SSH2: variants seen among roughly 807,000 people sequenced by gnomAD.
SSH2 encodes the protein slingshot protein phosphatase 2, also known as protein phosphatase Slingshot homolog 2.
A neutral mutation model predicts 135.2 loss-of-function variants in SSH2; 37 were observed. That is an observed-to-expected ratio of 0.27 (90% confidence interval 0.21 to 0.36). The LOEUF (loss-of-function observed/expected upper bound fraction) is 0.36. Ranked by LOEUF, SSH2 falls within the 10% of genes least tolerant of loss-of-function variation. The probability of loss-of-function intolerance (pLI) is 1.00; values close to 1 mark genes in which losing one functional copy is unlikely to be tolerated. For synonymous variants in SSH2, 628 were observed against 646.2 expected (o/e 0.97, Z 0.43); for missense variants, 1,408 against 1,765.3 (o/e 0.80, Z 3.63).
intron 2 of SSH2, among the ~76,000 whole-genome samples, chr17:29,840,479 T>C (rs1273139064): frequency 1.3e-5 from 2 of 152,238 alleles, no homozygotes; most frequent in Non-Finnish European, 2.9e-5. Context: ...ATTGATAATA[T>C]AAAGATGTCT....
intron 3 of SSH2, among the ~76,000 whole-genome samples, chr17:29,785,734 C>A (rs997631974): frequency 6.6e-6 from 1 of 151,012 alleles, no homozygotes; most frequent in African/African-American, 2.4e-5. Flanking sequence ...CTCGTGACCT[C>A]GAGATCCACC....
rs938352290 is a variant in SSH2, at chr17:29,648,110, A to G, written c.1427+34T>C. The G allele has an allele frequency of 3.1e-6, 5 of 1,600,000 alleles. No homozygotes were observed. The African/African-American group carries it at 5.4e-5, about 17-fold the overall frequency. ...CTTCATCTTGCTTTAGGGAACTTAAAAGGAGGGAGAATTGGAGAAAGTCAC... is the reference window on the plus strand; with the variant it reads ...CTTCATCTTGCTTTAGGGAACTTAAGAGGAGGGAGAATTGGAGAAAGTCAC... On this transcript the variant is annotated intron_variant, in intron 14 of 15. Transcript: ENST00000540801.
intron 9 of SSH2, among the ~76,000 whole-genome samples, chr17:29,669,684 A>C (rs2037412864): frequency 6.6e-6 from 1 of 152,182 alleles, no homozygotes; most frequent in Admixed American, 6.5e-5. Flanking sequence ...TTCCGTAAAC[A>C]GACAGAAGTT....
chr17:29,842,082 C>A (rs1456194195), intron 2 of SSH2, among the ~76,000 whole-genome samples: 1 of 151,686 alleles, frequency 6.6e-6, no homozygotes, highest in Non-Finnish European at 1.5e-5. Context: ...ATCCTGGAAG[C>A]ATTTAAAAAA....
chr17:29,667,901 A>G (rs978450165), intron 9 of SSH2, among the ~76,000 whole-genome samples: 1 of 152,206 alleles, frequency 6.6e-6, no homozygotes, highest in East Asian at 1.9e-4. Flanking sequence ...ACTCTCTTAA[A>G]AATAAAATCA....
At chr17:29,731,720 T>G (rs997772701) in intron 3 of SSH2, among the ~76,000 whole-genome samples, 1 of 152,138 alleles carries the variant, frequency 6.6e-6, no homozygotes, top group African/African-American at 2.4e-5. Context: ...CCTCCCAAAG[T>G]GCTGAGATTA....
rs974600306 is a variant in SSH2, at chr17:29,783,562, C to T, written c.188+10332G>A. 3.3e-5 allele frequency among the ~76,000 whole-genome samples: 5 copies of T among 152,050 alleles called. No homozygotes were observed. The South Asian group carries it at 6.2e-4, about 19-fold the overall frequency. On this transcript the variant is annotated intron_variant, in intron 3 of 15. Coordinates refer to ENST00000540801, the MANE Select transcript of SSH2 (RefSeq NM_001282129.2). Reference sequence around the variant, plus strand: ...TATGTTTTTCTGCCTGCTTTATATTCGCTGGTATCTGATTAGATTGTGCCC... The same window carrying T: ...TATGTTTTTCTGCCTGCTTTATATTTGCTGGTATCTGATTAGATTGTGCCC...
chr17:29,683,351 T>C (rs570528069), intron 6 of SSH2, among the ~76,000 whole-genome samples: 1 of 152,254 alleles, frequency 6.6e-6, no homozygotes, highest in Non-Finnish European at 1.5e-5. Context: ...GGCCAGGTGT[T>C]GTGTGTCATC....
chr17:29,727,011 T>C (rs2040023261), intron 3 of SSH2, among the ~76,000 whole-genome samples: 1 of 152,222 alleles, frequency 6.6e-6, no homozygotes, highest in African/African-American at 2.4e-5. Flanking sequence ...AATTCTTCCT[T>C]ATGTCATTTT....
intron 2 of SSH2, among the ~76,000 whole-genome samples, chr17:29,816,229 C>T (rs1270802740): frequency 2.6e-5 from 4 of 151,998 alleles, no homozygotes; most frequent in African/African-American, 7.3e-5. Flanking sequence ...AGCCAAAGAA[C>T]GAATATAAAG....
intron 2 of SSH2, among the ~76,000 whole-genome samples, chr17:29,828,315 A>AT (rs1385658182): frequency 6.6e-6 from 1 of 152,184 alleles, no homozygotes; most frequent in Admixed American, 6.5e-5. Flanking sequence ...TACACAACAA[A>AT]TTTAAATACA....
intron 2 of SSH2, among the ~76,000 whole-genome samples, chr17:29,795,301 A>T (rs2042137942): frequency 6.6e-6 from 1 of 152,252 alleles, no homozygotes; most frequent in Admixed American, 6.5e-5. Context: ...AGAAAAAACA[A>T]TAACTACTAC....
intron 14 of SSH2, among the ~76,000 whole-genome samples, chr17:29,646,979 T>C (rs928170495): frequency 5.3e-5 from 8 of 151,080 alleles, no homozygotes; most frequent in Admixed American, 6.6e-5. Context: ...TTTTTTTTTT[T>C]AAAGAGTCGG....
intron 2 of SSH2, among the ~76,000 whole-genome samples, chr17:29,799,454 T>C (rs1322877023): frequency 3.3e-5 from 5 of 152,216 alleles, no homozygotes. Context: ...CATCAGATGT[T>C]TTCTATTTTT....
intron 15 of SSH2, among the ~76,000 whole-genome samples, chr17:29,634,391 TATAAG>T (rs1339573274): frequency 2.0e-5 from 3 of 152,202 alleles, no homozygotes; most frequent in African/African-American, 7.2e-5. Flanking sequence ...CACTGCTGTA[TATAAG>T]ATGTCAGAAG....
chr17:29,819,636 T>G (rs2151340103), intron 2 of SSH2, among the ~76,000 whole-genome samples: 1 of 152,304 alleles, frequency 6.6e-6, no homozygotes, highest in South Asian at 2.1e-4. Context: ...AGCTTTCAGT[T>G]CTATCTATGT....
At chr17:29,789,576 A>G (rs2042030206) in intron 3 of SSH2, among the ~76,000 whole-genome samples, 1 of 152,154 alleles carries the variant, frequency 6.6e-6, no homozygotes, top group Non-Finnish European at 1.5e-5. Context: ...CACACCCACC[A>G]TGGGTGGCGA....
chr17:29,729,673 T>C (rs186294591), intron 3 of SSH2, among the ~76,000 whole-genome samples: 16 of 152,320 alleles, frequency 1.1e-4, no homozygotes, highest in Non-Finnish European at 5.9e-5. Flanking sequence ...GAAAATGTGG[T>C]ACATTCATAC....
intron 3 of SSH2, among the ~76,000 whole-genome samples, chr17:29,788,342 G>A (rs1281977744): frequency 6.6e-6 from 1 of 152,140 alleles, no homozygotes; most frequent in Non-Finnish European, 1.5e-5. Context: ...TAAGGGAGAA[G>A]TTCCTCCTTC....
Sources: gnomAD v4.1 joint callset for allele counts (sites outside exome capture counted in the v4.1 genomes callset) on GRCh38, gnomAD v4.1.1 for gene constraint, MANE v1.5 for transcripts, NCBI Gene and HGNC (gene_info 2026-07-23, HGNC 2026-07-21) for gene names.